Variants in ARID5B observed in about 807,000 individuals in gnomAD.
The protein encoded by ARID5B is AT-rich interaction domain 5B.
ARID5B carries 13 observed loss-of-function variants against 97.2 expected under a neutral mutation model. The ratio of observed to expected loss-of-function variants is 0.13; its 90% CI spans 0.09 to 0.21. The LOEUF is 0.21. ARID5B is among the 10% of genes least tolerant of loss of function. The pLI, the probability that ARID5B is intolerant of heterozygous loss-of-function variation, is 1.00. For synonymous variants in ARID5B, 556 were observed against 570.3 expected (o/e 0.97, Z 0.36); for missense variants, 1,210 against 1,465.3 (o/e 0.83, Z 2.84).
At chr10:61,958,359 G>A (rs1471745396) in intron 3 of ARID5B, among the ~76,000 whole-genome samples, 1 of 152,094 alleles carries the variant, frequency 6.6e-6, no homozygotes, top group East Asian at 1.9e-4. Context: ...CTCGCAAATA[G>A]CTGTGATTAC....
chr10:62,033,871 C>T (rs895879271), intron 4 of ARID5B, among the ~76,000 whole-genome samples: 6 of 152,110 alleles, frequency 3.9e-5, no homozygotes, highest in Admixed American at 1.3e-4. Context: ...ATGACTTGCC[C>T]GAGGTCATAT....
chr10:61,975,470 TA>T (rs1838685854), intron 3 of ARID5B, among the ~76,000 whole-genome samples: 1 of 152,060 alleles, frequency 6.6e-6, no homozygotes, highest in African/African-American at 2.4e-5. Flanking sequence ...GACTTGGAGT[TA>T]GAAAGCCTGA....
chr10:62,065,623 A>ATCACGAGG (rs1839976116), intron 7 of ARID5B, among the ~76,000 whole-genome samples: 1 of 152,078 alleles, frequency 6.6e-6, no homozygotes, highest in Non-Finnish European at 1.5e-5. Context: ...AGATGGGCGG[A>ATCACGAGG]TCACGAGGTC....
intron 3 of ARID5B, among the ~76,000 whole-genome samples, chr10:61,995,075 C>T (rs937393846): frequency 3.3e-5 from 5 of 152,082 alleles, no homozygotes; most frequent in South Asian, 2.1e-4. Context: ...AGTCAAGTAA[C>T]GTATATGTAA....
At chr10:61,909,251 C>G (rs1843758074) in intron 2 of ARID5B, among the ~76,000 whole-genome samples, 2 of 150,920 alleles carry the variant, frequency 1.3e-5, no homozygotes, top group African/African-American at 4.9e-5. Flanking sequence ...TAGTGCTGTT[C>G]TCAGGAGCAG....
chr10:61,902,668 C>T (rs111607493), intron 2 of ARID5B, among the ~76,000 whole-genome samples: 1,883 of 142,678 alleles, frequency 0.013, 16 homozygotes, highest in Middle Eastern at 0.048. Flanking sequence ...GGGTTTTGTT[C>T]AAGGATGTGT....
rs780249350 is a variant in ARID5B at position 62,093,067 on chromosome 10, A to G, written c.*37A>G. On this transcript the variant is annotated 3_prime_UTR_variant, in exon 10 of 10. Transcript: ENST00000279873. The stretch of plus-strand genomic sequence containing the variant: ...CCCAGCAGTCCAAAGCGGCATGGCC[A>G]ACAGAGCTTCACTCCTTACCCAGGA... 6.4e-7 allele frequency: 1 copy of G among 1,565,032 alleles called. No individual in the cohort carries two copies. Among genetic ancestry groups the G allele is most frequent in the African/African-American group, 1.4e-5 (1 of 73,738 alleles).
chr10:61,925,444 A>T (rs574065615), intron 2 of ARID5B, among the ~76,000 whole-genome samples: 1 of 152,196 alleles, frequency 6.6e-6, no homozygotes, highest in African/African-American at 2.4e-5. Flanking sequence ...ACCTGAAAGG[A>T]GTTAAAAAAA....
chr10:61,931,751 A>G (rs1272419814), intron 2 of ARID5B, among the ~76,000 whole-genome samples: 1 of 152,252 alleles, frequency 6.6e-6, no homozygotes, highest in Admixed American at 6.5e-5. Flanking sequence ...ATCATTAGTC[A>G]TTAGAGAGAT....
chr10:62,031,917 A>G (rs1839502236), intron 4 of ARID5B, among the ~76,000 whole-genome samples: 2 of 152,132 alleles, frequency 1.3e-5, no homozygotes, highest in South Asian at 4.1e-4. Context: ...AAGCTATACC[A>G]CTGGACAGAT....
intron 3 of ARID5B, among the ~76,000 whole-genome samples, chr10:61,993,045 T>C (rs929238018): frequency 6.6e-6 from 1 of 152,182 alleles, no homozygotes; most frequent in Admixed American, 6.5e-5. Context: ...GCATTTAATT[T>C]ATTTTTATTA....
At chr10:61,934,149 A>AACCTTTATTTTGCAGCTTCCT (rs1412181814) in intron 2 of ARID5B, among the ~76,000 whole-genome samples, 1 of 152,200 alleles carries the variant, frequency 6.6e-6, no homozygotes, top group Non-Finnish European at 1.5e-5. Flanking sequence ...GTTAGCTTCC[A>AACCTTTATTTTGCAGCTTCCT]ACCTTTATTT....
At chr10:61,971,075 TATCTGTTAAGTGTATTTGGC>T (rs1039230727) in intron 3 of ARID5B, among the ~76,000 whole-genome samples, 3 of 152,162 alleles carry the variant, frequency 2.0e-5, no homozygotes, top group African/African-American at 7.2e-5. Context: ...AACAGTGATT[TATCTGTTAAGTGTATTTGGC>T]ATCCTGCCTT....
rs371240303 is a variant in ARID5B at position 62,085,697 on chromosome 10, T to C, written c.1200-5T>C. On this transcript the variant is annotated splice_region_variant and splice_polypyrimidine_tract_variant and intron_variant, in intron 8 of 9. Transcript: ENST00000279873. ...GACCGATCATCTCTTCTGTTAACCT[T>C]TTAGATTAATCCTACCATATGAAAG... The C allele has an allele frequency of 2.5e-6, 4 of 1,599,942 alleles. No homozygotes were observed. The South Asian group carries it at 4.5e-5, about 18-fold the overall frequency.
chr10:62,055,391 C>A (rs1041052509), intron 5 of ARID5B, among the ~76,000 whole-genome samples: 3 of 152,088 alleles, frequency 2.0e-5, no homozygotes, highest in African/African-American at 7.2e-5. Flanking sequence ...CTACCTCATT[C>A]GGGTTTTAAG....
intron 3 of ARID5B, among the ~76,000 whole-genome samples, chr10:61,951,959 G>T (rs1180135975): frequency 4.0e-5 from 6 of 151,808 alleles, no homozygotes; most frequent in Admixed American, 3.9e-4. Flanking sequence ...TTATCGTTGG[G>T]CATTTCAGCT....
At chr10:62,074,514 G>A (rs996133200) in intron 8 of ARID5B, among the ~76,000 whole-genome samples, 2 of 152,074 alleles carry the variant, frequency 1.3e-5, no homozygotes, top group African/African-American at 4.8e-5. Context: ...AGTGTGGGAG[G>A]CTTCATGTTT....
intron 4 of ARID5B, among the ~76,000 whole-genome samples, chr10:62,017,628 A>T (rs1839300835): frequency 6.6e-6 from 1 of 152,190 alleles, no homozygotes; most frequent in Admixed American, 6.6e-5. Context: ...TGGTTGTGAA[A>T]TAATATTTTC....
rs1839750390 is a variant in ARID5B at position 62,049,110 on chromosome 10, A to G, written c.734-1778A>G. The G allele has an allele frequency of 2.7e-6, 3 of 1,105,730 alleles. No individual in the cohort carries two copies. The South Asian group carries it at 9.3e-5, about 34-fold the overall frequency. The allele number at this position is 1,105,730 out of a possible 1,614,324, so 68.5% of individuals were successfully genotyped here. On this transcript the variant is annotated intron_variant, in intron 4 of 9. Transcript: ENST00000279873. ...CCAGGCTGCGGACCGTGTCAAATTC[A>G]TGGAACGTGGCATCGTGCTCTGACA... is the stretch of plus-strand genomic sequence containing the variant.
Sources: gnomAD v4.1 joint callset for allele counts (sites outside exome capture counted in the v4.1 genomes callset) on GRCh38, gnomAD v4.1.1 for gene constraint, MANE v1.5 for transcripts, NCBI Gene and HGNC (gene_info 2026-07-23, HGNC 2026-07-21) for gene names.